Variants in ROBO1 observed in about 807,000 individuals in gnomAD.
The protein encoded by ROBO1 is roundabout homolog 1.
Under a neutral mutation model 195.9 loss-of-function variants are expected in ROBO1, and 149 were observed. The ratio of observed to expected loss-of-function variants is 0.76; its 90% CI spans 0.67 to 0.87. The LOEUF (loss-of-function observed/expected upper bound fraction) is 0.87, where lower values mean the gene tolerates loss of function less well. Ranked by LOEUF, ROBO1 falls within the 40% of genes least tolerant of loss-of-function variation. The pLI, the probability that ROBO1 is intolerant of heterozygous loss-of-function variation, is 0.00. For synonymous variants in ROBO1, 816 were observed against 733.2 expected, an observed-to-expected ratio of 1.11 and a Z score of -1.82; for missense variants, 1,933 against 2,068.3, an observed-to-expected ratio of 0.93 and a Z score of 1.27.
chr3:79,403,312 G>T (rs1462493857), intron 2 of ROBO1, among the ~76,000 whole-genome samples: 1 of 151,942 alleles, frequency 6.6e-6, no homozygotes, highest in African/African-American at 2.4e-5. Context: ...GACATATAGT[G>T]TAAAATCTTA....
At chr3:79,653,296 A>G (rs1946067432) in intron 1 of ROBO1, among the ~76,000 whole-genome samples, 1 of 151,940 alleles carries the variant, frequency 6.6e-6, no homozygotes, top group African/African-American at 2.4e-5. Flanking sequence ...CTTGTCAAAT[A>G]TAACTCTTGA....
Position 79,100,392 on chromosome 3 carries a change from T to C in ROBO1, c.172+25064A>G, listed in dbSNP as rs116428614. 8.3e-3 allele frequency among the ~76,000 whole-genome samples: 1,265 copies of C among 151,896 alleles called. 23 individuals are homozygous for C. The highest frequency in any genetic ancestry group is 0.029 in the African/African-American group (1,219 of 41,492). ...GGAAGTCTTCCTTACCCAAACCTTA[T>C]TCTTTTTTTCCCTAAACCATATTAC... On this transcript the variant is annotated intron_variant, in intron 3 of 30. Transcript: ENST00000464233.
chr3:79,552,502 G>T (rs547798067), intron 2 of ROBO1, among the ~76,000 whole-genome samples: 1 of 152,118 alleles, frequency 6.6e-6, no homozygotes, highest in East Asian at 1.9e-4. Context: ...GAGTTTTATA[G>T]AAGCAACCTT....
At chr3:78,827,471 T>C (rs1364535932) in intron 4 of ROBO1, among the ~76,000 whole-genome samples, 1 of 152,222 alleles carries the variant, frequency 6.6e-6, no homozygotes, top group African/African-American at 2.4e-5. Context: ...AGCAGGTGCA[T>C]GCCAGTGGTC....
intron 3 of ROBO1, among the ~76,000 whole-genome samples, chr3:79,111,613 C>T (rs1252580163): frequency 6.6e-6 from 1 of 152,078 alleles, no homozygotes; most frequent in East Asian, 1.9e-4. Flanking sequence ...CTATTCAACC[C>T]AGGGAGAGAA....
intron 2 of ROBO1, among the ~76,000 whole-genome samples, chr3:79,359,773 A>G (rs2109299955): frequency 6.6e-6 from 1 of 152,056 alleles, no homozygotes; most frequent in Non-Finnish European, 1.5e-5. Flanking sequence ...CCTAAGTATC[A>G]AAATAATAGA....
intron 1 of ROBO1, among the ~76,000 whole-genome samples, chr3:79,634,089 G>A (rs1209366907): frequency 6.6e-6 from 1 of 152,156 alleles, no homozygotes; most frequent in African/African-American, 2.4e-5. Flanking sequence ...ACTTAGGCCT[G>A]GGGAGAGAGA....
intron 3 of ROBO1, among the ~76,000 whole-genome samples, chr3:79,016,212 T>C: frequency 6.6e-6 from 1 of 152,184 alleles, no homozygotes; most frequent in Non-Finnish European, 1.5e-5. Context: ...AACACTGTCA[T>C]GAAATCACCC....
At position 79,039,801 on chromosome 3, in the gene ROBO1, C is replaced by CAAAAAA. The variant is rs1214691931; in HGVS notation, c.172+85649_172+85654dup. 7.8e-5 allele frequency among the ~76,000 whole-genome samples: 4 copies of CAAAAAA among 51,314 alleles called. 2 individuals carry two copies. The highest frequency in any genetic ancestry group is 7.5e-4 in the Admixed American group (2 of 2,682). The allele number at this position is 51,314 out of a possible 152,430, so 33.7% of individuals were successfully genotyped here. A position where few individuals can be genotyped will look rare whatever the true frequency, so the allele number is the denominator to read the frequency against. ...TGGGCTACAAAGCAAGACTCCGTCTCAAAAAAAAAAAAAAAAAAAGTTATG... is the reference window on the plus strand; with the variant it reads ...TGGGCTACAAAGCAAGACTCCGTCTCAAAAAAAAAAAAAAAAAAAAAAAAAGTTATG... On this transcript the variant is annotated intron_variant, in intron 3 of 30. Coordinates refer to ENST00000464233, the MANE Select transcript of ROBO1 (RefSeq NM_002941.4).
intron 1 of ROBO1, among the ~76,000 whole-genome samples, chr3:79,738,984 T>C (rs1703507815): frequency 6.6e-6 from 1 of 152,206 alleles, no homozygotes; most frequent in Non-Finnish European, 1.5e-5. Flanking sequence ...ACTGAAGATG[T>C]CTGCAAATGA....
At chr3:79,616,103 G>C (rs1212919154) in intron 1 of ROBO1, among the ~76,000 whole-genome samples, 1 of 152,168 alleles carries the variant, frequency 6.6e-6, no homozygotes, top group Non-Finnish European at 1.5e-5. Context: ...CATGAGCCCA[G>C]GCACTACTTT....
chr3:79,416,693 A>G (rs2038019464), intron 2 of ROBO1, among the ~76,000 whole-genome samples: 1 of 152,094 alleles, frequency 6.6e-6, no homozygotes, highest in South Asian at 2.1e-4. Context: ...TTTGGTTGGA[A>G]AAGATGCAAC....
chr3:79,550,197 A>AAAAGGAAAGGAAAGGAAAGGAAAGG (rs1942448847), intron 2 of ROBO1, among the ~76,000 whole-genome samples: 1 of 19,298 alleles, frequency 5.2e-5, no homozygotes. Context: ...GAAAGAAAGG[A>AAAAGGAAAGGAAAGGAAAGGAAAGG]AAAGAAAAGA....
chr3:79,573,795 C>CTTTT (rs1055527202), intron 2 of ROBO1, among the ~76,000 whole-genome samples: 4 of 152,046 alleles, frequency 2.6e-5, no homozygotes, highest in African/African-American at 7.2e-5. Flanking sequence ...AAATACTTGC[C>CTTTT]AAAATGTCTC....
chr3:79,497,144 C>A (rs1362524190), intron 2 of ROBO1, among the ~76,000 whole-genome samples: 1 of 151,964 alleles, frequency 6.6e-6, no homozygotes, highest in Non-Finnish European at 1.5e-5. Flanking sequence ...AAGAAAATGG[C>A]GATGCTGCAA....
intron 1 of ROBO1, among the ~76,000 whole-genome samples, chr3:79,613,025 G>A (rs964456434): frequency 6.6e-5 from 10 of 151,576 alleles, no homozygotes; most frequent in Admixed American, 3.9e-4. Context: ...TGAATAATTA[G>A]ATAATAATTG....
rs114546203 is a variant in ROBO1, at chr3:78,882,225, A to G, written c.499+56376T>C. On this transcript the variant is annotated intron_variant, in intron 4 of 30. Transcript: ENST00000464233. ...ACAAGAATGGCCAATAGAGTCTAGT[A>G]TGAATGCTAAATTTTCTGTTCAATT... 8.5e-3 allele frequency among the ~76,000 whole-genome samples: 1,298 copies of G among 152,302 alleles called. 24 individuals carry two copies. Among genetic ancestry groups the G allele is most frequent in the African/African-American group, 0.027 (1,120 of 41,566 alleles).
chr3:78,990,152 T>C (rs369131969), intron 3 of ROBO1, among the ~76,000 whole-genome samples: 1 of 152,216 alleles, frequency 6.6e-6, no homozygotes, highest in Non-Finnish European at 1.5e-5. Context: ...TTTAATACAC[T>C]AGAATATTTT....
intron 10 of ROBO1, 22 bp from the exon 11 acceptor site, chr3:78,670,323 A>G (rs1176227191): frequency 7.1e-6 from 11 of 1,547,166 alleles, no homozygotes. Context: ...AACAACAGGA[A>G]ATAGATTTCT....
Sources: gnomAD v4.1 joint callset for allele counts (sites outside exome capture counted in the v4.1 genomes callset) on GRCh38, gnomAD v4.1.1 for gene constraint, MANE v1.5 for transcripts, NCBI Gene and HGNC (gene_info 2026-07-23, HGNC 2026-07-21) for gene names.